The following ADGRE1 variants were observed in gnomAD, a reference collection of about 807,000 sequenced individuals.
ADGRE1 encodes the protein EGF-like module receptor 1.
In ADGRE1, 82 loss-of-function variants were observed where a neutral mutation model predicts 102.7. The ratio of observed to expected loss-of-function variants is 0.80; its 90% CI spans 0.67 to 0.96. The LOEUF (loss-of-function observed/expected upper bound fraction) is 0.96. ADGRE1 is among the 40% of genes least tolerant of loss of function. ADGRE1 has a pLI of 0.00. For synonymous variants in ADGRE1, 398 were observed against 399.6 expected (o/e 1.00, Z 0.05); for missense variants, 1,032 against 1,085.3 (o/e 0.95, Z 0.69).
At chr19:6,925,920 A>G (rs1014168310) in intron 15 of ADGRE1, among the ~76,000 whole-genome samples, 16 of 150,130 alleles carry the variant, frequency 1.1e-4, no homozygotes, top group African/African-American at 3.9e-4. Context: ...CTGGTCTCAA[A>G]CTCCTGGGCT....
chr19:6,926,951 C>A (rs535074989), intron 16 of ADGRE1, among the ~76,000 whole-genome samples: 1 of 151,816 alleles, frequency 6.6e-6, no homozygotes, highest in South Asian at 2.1e-4. Context: ...CCCAGCTACT[C>A]GGGAGGCCGA....
chr19:6,922,659 A>AC (rs1974722706), intron 14 of ADGRE1, among the ~76,000 whole-genome samples: 4 of 132,962 alleles, frequency 3.0e-5, no homozygotes, highest in Non-Finnish European at 5.0e-5. Flanking sequence ...CACACACACA[A>AC]ACAAAAAGAA....
intron 16 of ADGRE1, among the ~76,000 whole-genome samples, chr19:6,927,319 C>CCTTCCCTTCCTCCCTG (rs1974965574): frequency 1.5e-5 from 1 of 67,814 alleles, no homozygotes; most frequent in African/African-American, 8.7e-5. Context: ...CTTCCTCCCT[C>CCTTCCCTTCCTCCCTG]CCTTCTTTCC....
chr19:6,915,920 CA>C (rs67370670), intron 11 of ADGRE1, among the ~76,000 whole-genome samples: 71 of 59,168 alleles, frequency 1.2e-3, no homozygotes, highest in African/African-American at 3.3e-3. Flanking sequence ...GACTCCGTCT[CA>C]AAAAAAAAAA....
chr19:6,892,065 G>A lies in ADGRE1; in HGVS notation c.94+1522G>A, dbSNP rs372874843. Among the ~76,000 whole-genome samples, 12 of 152,144 alleles carry A rather than the reference G, an allele frequency of 7.9e-5. No individual in the cohort carries two copies. In the East Asian group the frequency reaches 9.7e-4, roughly 12 times the overall value. ...TGGTGGGTTTCAGTTGTGAGGGAGA[G>A]GGCTAGTGGAAGAGAATGATGGGAA... On this transcript the variant is annotated intron_variant, in intron 2 of 20. Transcript: ENST00000312053.
intron 17 of ADGRE1, chr19:6,928,418 G>A: frequency 7.8e-7 from 1 of 1,283,846 alleles, no homozygotes; most frequent in Non-Finnish European, 1.0e-6. Context: ...CTGAGGTCAG[G>A]AGTTCGAGAA....
intron 11 of ADGRE1, among the ~76,000 whole-genome samples, chr19:6,915,386 T>A (rs947179664): frequency 6.6e-6 from 1 of 152,210 alleles, no homozygotes. Flanking sequence ...TTTACAAGGA[T>A]ACTTCTTGTT....
At chr19:6,924,583 AT>A in intron 14 of ADGRE1, 94 bp from the exon 15 acceptor site, 1 of 1,104,478 alleles carries the variant, frequency 9.1e-7, no homozygotes. Context: ...CCCCAAGCTA[AT>A]TTTGCCCGAG....
At chr19:6,938,463 C>A (rs990076266) in intron 20 of ADGRE1, among the ~76,000 whole-genome samples, 2 of 77,990 alleles carry the variant, frequency 2.6e-5, no homozygotes, top group African/African-American at 4.0e-5. Flanking sequence ...AATGAATATG[C>A]AAATGGAGGC....
In ADGRE1 at chr19:6,897,196, T is replaced by C. The variant is rs1173941713; in HGVS notation, c.286T>C (p.Ser96Pro). Reference sequence around the variant, plus strand: ...CCCCCAGCCCTGTGGTCCTAACTCATCCTGCAAAAACCTGTCAGGGAGGTA... The same window carrying C: ...CCCCCAGCCCTGTGGTCCTAACTCACCCTGCAAAAACCTGTCAGGGAGGTA... ...QSPQPCGPNS[S>P]CKNLSGRYKC... The change falls in exon 4 of 21, where the codon TCC (serine) becomes CCC (proline). Residue 96 changes from serine (S) to proline (P), a missense_variant. Coordinates refer to ENST00000312053, the MANE Select transcript of ADGRE1 (RefSeq NM_001974.5). The C allele has an allele frequency of 1.2e-6, 2 of 1,610,864 alleles. No homozygotes were observed. Among genetic ancestry groups the C allele is most frequent in the Admixed American group, 1.7e-5 (1 of 59,642 alleles).
intron 17 of ADGRE1, among the ~76,000 whole-genome samples, chr19:6,933,189 C>A (rs944132896): frequency 3.3e-5 from 5 of 152,142 alleles, no homozygotes; most frequent in Non-Finnish European, 7.3e-5. Context: ...CCATTGCACT[C>A]CAGCCTGGGA....
At chr19:6,923,413 A>C (rs1456102500) in intron 14 of ADGRE1, among the ~76,000 whole-genome samples, 1 of 152,258 alleles carries the variant, frequency 6.6e-6, no homozygotes, top group African/African-American at 2.4e-5. Flanking sequence ...AAACAACTCT[A>C]TAAGGCAATT....
At position 6,902,016 on chromosome 19, in the gene ADGRE1, G is replaced by T. The variant is rs1416565646; in HGVS notation, c.656G>T (p.Cys219Phe). 2 of 1,614,056 alleles carry T rather than the reference G, an allele frequency of 1.2e-6. No homozygotes were observed. Among genetic ancestry groups the T allele is most frequent in the African/African-American group, 2.7e-5 (2 of 74,936 alleles). ...HLSFQGLKAS[C>F]EDIDECTEMC... ...AGTTTCCAGGGTCTCAAAGCATCGT[G>T]TGAAGGTAGGTGGGGGTGTCTTCTG... The change falls in exon 6 of 21, where the codon TGT becomes TTT. Residue 219 changes from cysteine (C) to phenylalanine (F), a missense_variant. Coordinates refer to ENST00000312053, the MANE Select transcript of ADGRE1 (RefSeq NM_001974.5).
At chr19:6,916,981 T>C (rs1486924048) in intron 12 of ADGRE1, among the ~76,000 whole-genome samples, 1 of 152,162 alleles carries the variant, frequency 6.6e-6, no homozygotes, top group African/African-American at 2.4e-5. Context: ...TGTTGGACAG[T>C]GCTAATCTGT....
intron 11 of ADGRE1, among the ~76,000 whole-genome samples, 169 bp from the exon 12 acceptor site, chr19:6,916,080 G>A (rs987307113): frequency 6.6e-6 from 1 of 151,986 alleles, no homozygotes; most frequent in Non-Finnish European, 1.5e-5. Context: ...TGGTGCTATG[G>A]TCCCCCTATC....
chr19:6,931,979 G>T (rs1054457701), intron 17 of ADGRE1, among the ~76,000 whole-genome samples: 2 of 152,118 alleles, frequency 1.3e-5, no homozygotes, highest in African/African-American at 4.8e-5. Context: ...ATCTTCAGAG[G>T]CCATAAATTA....
intron 20 of ADGRE1, among the ~76,000 whole-genome samples, chr19:6,937,903 A>T (rs931213139): frequency 6.6e-6 from 1 of 152,052 alleles, no homozygotes. Flanking sequence ...ATTTACATAG[A>T]TACATTTGTA....
At chr19:6,918,715 C>T (rs905548710) in intron 12 of ADGRE1, among the ~76,000 whole-genome samples, 1 of 152,164 alleles carries the variant, frequency 6.6e-6, no homozygotes, top group African/African-American at 2.4e-5. Context: ...AAGACTTCTC[C>T]AGGTAAGAGC....
intron 1 of ADGRE1, among the ~76,000 whole-genome samples, chr19:6,889,239 T>C (rs1382158876): frequency 6.6e-6 from 1 of 151,416 alleles, no homozygotes. Flanking sequence ...ATGGTGATAA[T>C]GGTGATGGTG....
Sources: allele counts gnomAD v4.1 joint callset (sites outside exome capture counted in the v4.1 genomes callset), GRCh38; gene constraint gnomAD v4.1.1; transcripts MANE v1.5; gene names NCBI Gene and HGNC (gene_info 2026-07-23, HGNC 2026-07-21).